Variants in NCAM2 observed in about 807,000 individuals in gnomAD.
NCAM2 encodes the protein N-CAM-2.
NCAM2 carries 30 observed loss-of-function variants against 98.1 expected under a neutral mutation model. The ratio of observed to expected loss-of-function variants is 0.31; its 90% CI spans 0.23 to 0.41. The LOEUF (loss-of-function observed/expected upper bound fraction) is 0.41, where lower values mean the gene tolerates loss of function less well. NCAM2 is among the 10% of genes least tolerant of loss of function. NCAM2 has a pLI of 1.00. For missense variants in NCAM2, 867 were observed against 1,005.8 expected (o/e 0.86, Z 1.87); for synonymous variants, 368 against 342.4 (o/e 1.07, Z -0.83).
intron 1 of NCAM2, among the ~76,000 whole-genome samples, chr21:21,145,353 G>T (rs1280753588): frequency 6.8e-6 from 1 of 147,728 alleles, no homozygotes; most frequent in Non-Finnish European, 1.5e-5. Context: ...GCATTACTTA[G>T]ATGTTTTAAA....
intron 1 of NCAM2, among the ~76,000 whole-genome samples, chr21:21,174,233 T>C (rs924266326): frequency 6.6e-6 from 1 of 152,176 alleles, no homozygotes; most frequent in Non-Finnish European, 1.5e-5. Context: ...AACAAAACCT[T>C]TCTTTAAAGA....
chr21:21,007,047 A>G (rs563289319), intron 1 of NCAM2, among the ~76,000 whole-genome samples: 2 of 152,294 alleles, frequency 1.3e-5, no homozygotes, highest in South Asian at 2.1e-4. Context: ...CCCATAAAGT[A>G]TGATATTTTT....
intron 16 of NCAM2, among the ~76,000 whole-genome samples, chr21:21,530,086 T>A (rs1398383628): frequency 7.2e-6 from 1 of 139,134 alleles, no homozygotes; most frequent in Non-Finnish European, 1.6e-5. Context: ...TTATATAATT[T>A]AATTTAATTT....
chr21:21,015,998 A>G (rs1477519397), intron 1 of NCAM2, among the ~76,000 whole-genome samples: 8 of 152,006 alleles, frequency 5.3e-5, no homozygotes, highest in African/African-American at 1.7e-4. Flanking sequence ...GTGAGCCACA[A>G]TGCCCAGTCG....
At chr21:21,052,870 T>C (rs2065139714) in intron 1 of NCAM2, among the ~76,000 whole-genome samples, 1 of 152,218 alleles carries the variant, frequency 6.6e-6, no homozygotes. Context: ...ACAAAATTTG[T>C]GTCCTCTTAA....
intron 16 of NCAM2, among the ~76,000 whole-genome samples, chr21:21,515,581 T>C (rs147417957): frequency 1.3e-5 from 2 of 152,298 alleles, no homozygotes; most frequent in African/African-American, 4.8e-5. Context: ...CTTTTTAAGT[T>C]TGAAAAAATG....
chr21:21,281,941 A>G (rs1305534727), intron 2 of NCAM2, among the ~76,000 whole-genome samples: 1 of 151,784 alleles, frequency 6.6e-6, no homozygotes, highest in Non-Finnish European at 1.5e-5. Context: ...TATATGTATA[A>G]CATGTCACAT....
intron 1 of NCAM2, among the ~76,000 whole-genome samples, chr21:21,276,473 T>G (rs1205208045): frequency 5.3e-5 from 8 of 152,102 alleles, no homozygotes; most frequent in Non-Finnish European, 1.2e-4. Flanking sequence ...TTTCCTTACC[T>G]TAAGTAAGAA....
intron 5 of NCAM2, among the ~76,000 whole-genome samples, chr21:21,292,721 C>T (rs7275647): frequency 0.36 from 53,999 of 151,642 alleles, 10,798 homozygotes; most frequent in East Asian, 0.57. Flanking sequence ...AGTTGCTTCT[C>T]CTATATAGTT....
In NCAM2 at chr21:21,508,855, G is replaced by A. The variant is rs753773926; in HGVS notation, c.2082G>A (p.Thr694=). ...MPPKPNIIKD[T]LFNGLGLGAV... ...TTTTTTTTTTTACTTTTTAAGACAC[G>A]CTGTTTAATGGTCTTGGGCTTGGAG... Residue 694 remains threonine, a synonymous_variant, in exon 16 of 18, where the codon ACG becomes ACA. Coordinates refer to ENST00000400546, the MANE Select transcript of NCAM2 (RefSeq NM_004540.5). 15 of 529,360 alleles carry A rather than the reference G, an allele frequency of 2.8e-5. No homozygotes were observed. Among genetic ancestry groups the A allele is most frequent in the Non-Finnish European group, 4.2e-5 (14 of 332,012 alleles). 32.8% of individuals were successfully genotyped at this position (529,360 alleles called of 1,614,324 possible). A position where few individuals can be genotyped will look rare whatever the true frequency, so the allele number is the denominator to read the frequency against.
At chr21:21,212,871 T>A (rs2069715914) in intron 1 of NCAM2, among the ~76,000 whole-genome samples, 1 of 151,458 alleles carries the variant, frequency 6.6e-6, no homozygotes, top group Non-Finnish European at 1.5e-5. Flanking sequence ...GCCTCCCGAG[T>A]AGCTGGGACT....
At chr21:21,534,892 G>A (rs533005027) in intron 17 of NCAM2, among the ~76,000 whole-genome samples, 15 of 152,164 alleles carry the variant, frequency 9.9e-5, no homozygotes, top group South Asian at 6.2e-4. Flanking sequence ...GTAATTTAAT[G>A]CAAAAGTATA....
At position 21,482,562 on chromosome 21, in the gene NCAM2, A is replaced by G. The variant is rs548781334; in HGVS notation, c.2077+5091A>G. 1.5e-4 allele frequency among the ~76,000 whole-genome samples: 23 copies of G among 152,000 alleles called. No individual in the cohort carries two copies. The East Asian group carries it at 4.4e-3, about 29-fold the overall frequency. The stretch of plus-strand genomic sequence containing the variant: ...AACCCATTACTTATGTATATTAGAT[A>G]TATTTAACTTTTTGTAAACAATAGG... On this transcript the variant is annotated intron_variant, in intron 15 of 17. Transcript: ENST00000400546.
intron 1 of NCAM2, among the ~76,000 whole-genome samples, chr21:21,179,695 G>A (rs1312799058): frequency 1.3e-5 from 2 of 152,140 alleles, no homozygotes; most frequent in African/African-American, 2.4e-5. Context: ...GTTAATATAT[G>A]TGTCATTTTC....
intron 12 of NCAM2, among the ~76,000 whole-genome samples, chr21:21,448,815 A>G (rs554493676): frequency 9.1e-4 from 139 of 152,248 alleles, no homozygotes; most frequent in Middle Eastern, 3.4e-3. Context: ...CACTAATTCC[A>G]TATTTTCAGT....
At chr21:21,186,093 G>A (rs1275014422) in intron 1 of NCAM2, among the ~76,000 whole-genome samples, 4 of 151,938 alleles carry the variant, frequency 2.6e-5, no homozygotes, top group Non-Finnish European at 4.4e-5. Flanking sequence ...AATGCATGAG[G>A]GGTTTTTTTT....
chr21:21,322,275 G>T (rs930945191), intron 5 of NCAM2, among the ~76,000 whole-genome samples: 17 of 152,182 alleles, frequency 1.1e-4, no homozygotes, highest in Non-Finnish European at 1.6e-4. Context: ...CATAAAGATG[G>T]CAGCAATAGA....
rs903497659 is a variant in NCAM2, at chr21:21,357,227, G to A, written c.1045-16636G>A. Among the ~76,000 whole-genome samples, 4 of 152,092 alleles carry A rather than the reference G, an allele frequency of 2.6e-5. No individual in the cohort carries two copies. The East Asian group carries it at 5.8e-4, about 22-fold the overall frequency. ...TATTTCTTTACACTTACACAGGCCC[G>A]TTCAATGCGTATGCCTCACAGTCCT... On this transcript the variant is annotated intron_variant, in intron 8 of 17. Transcript: ENST00000400546.
chr21:21,223,833 G>A (rs533647503), intron 1 of NCAM2: 1 of 152,258 alleles, frequency 6.6e-6, no homozygotes, highest in East Asian at 1.9e-4. Context: ...AATATAAACA[G>A]AGATAAAATG....
Sources: gnomAD v4.1 joint callset for allele counts (sites outside exome capture counted in the v4.1 genomes callset) on GRCh38, gnomAD v4.1.1 for gene constraint, MANE v1.5 for transcripts, NCBI Gene and HGNC (gene_info 2026-07-23, HGNC 2026-07-21) for gene names.